IL13: variants seen among roughly 807,000 people sequenced by gnomAD.
IL13 encodes the protein interleukin-13.
A neutral mutation model predicts 11.1 loss-of-function variants in IL13; 9 were observed. The ratio of observed to expected loss-of-function variants is 0.81; its 90% CI spans 0.49 to 1.42. IL13 has a LOEUF of 1.42. Ranked by LOEUF, IL13 falls within the 40% of genes most tolerant of loss-of-function variation. The probability of loss-of-function intolerance (pLI) is 0.00; values close to 1 mark genes in which losing one functional copy is unlikely to be tolerated. For missense variants in IL13, 181 were observed against 182.5 expected (o/e 0.99, Z 0.05); for synonymous variants, 75 against 76.9 (o/e 0.97, Z 0.13).
chr5:132,656,577 G>A (rs1209556239), upstream of IL13: 1 of 152,342 alleles, frequency 6.6e-6, no homozygotes, highest in Admixed American at 6.5e-5. Context: ...TGGCCATGGG[G>A]GATAAGGGGC....
Position 132,659,296 on chromosome 5 carries a change from C to A in IL13, c.175-122C>A. 1 of 731,102 alleles carries A rather than the reference C, an allele frequency of 1.4e-6. No homozygotes were observed. Among genetic ancestry groups the A allele is most frequent in the Non-Finnish European group, 2.5e-6 (1 of 404,144 alleles). The allele number at this position is 731,102 out of a possible 1,614,324, so 45.3% of individuals were successfully genotyped here. ...CAGGAATGCTGAGGGGCTGCCAGGC[C>A]TGCCTCTGTGCCACACCAGGGATGC... On this transcript the variant is annotated intron_variant, in intron 1 of 3. Coordinates refer to ENST00000304506, the MANE Select transcript of IL13 (RefSeq NM_002188.3). The surrounding 1 kb of genome is among the most constrained non-coding windows in gnomAD (Gnocchi z 4.1).
chr5:132,659,484 G>A lies in IL13; in HGVS notation c.228+13G>A, dbSNP rs1752106215. 1.2e-6 allele frequency: 2 copies of A among 1,607,624 alleles called. No individual in the cohort carries two copies. The highest frequency in any genetic ancestry group is 1.7e-5 in the Admixed American group (1 of 59,692). On this transcript the variant is annotated intron_variant, in intron 2 of 3. Transcript: ENST00000304506. The surrounding 1 kb of genome is among the most constrained non-coding windows in gnomAD (Gnocchi z 4.1). ...GACAGCTGGCATGGTAAGGACCTTT[G>A]GGTGCAGGGAGGATGGGGCAGAGGC...
At chr5:132,658,487 A>G (rs1752083164) in intron 1 of IL13, 127 bp downstream of exon 1, 2 of 595,818 alleles carry the variant, frequency 3.4e-6, no homozygotes, top group South Asian at 4.4e-5. Flanking sequence ...TCCATGGACC[A>G]AGGCCCGGCC....
upstream of IL13, chr5:132,658,130 AC>A: frequency 1.0e-6 from 1 of 955,770 alleles, no homozygotes; most frequent in Non-Finnish European, 1.6e-6. Flanking sequence ...GTCAGGCGTC[AC>A]CACTTGGGCC....
At position 132,660,977 on chromosome 5, in the gene IL13, T is replaced by C. The variant is rs847; in HGVS notation, c.*695T>C. ...CAACGAGTAATTTATTGTTTTTCCT[T>C]GTATTTAAATATTAAATATGTTAGC... On this transcript the variant is annotated 3_prime_UTR_variant, in exon 4 of 4. Coordinates refer to ENST00000304506, the MANE Select transcript of IL13 (RefSeq NM_002188.3). 0.78 allele frequency: 119,757 copies of C among 152,610 alleles called. 47,641 individuals carry two copies. Among genetic ancestry groups the C allele is most frequent in the African/African-American group, 0.87 (36,256 of 41,538 alleles). The allele number at this position is 152,610 out of a possible 1,614,324, so 9.5% of individuals were successfully genotyped here. A position where few individuals can be genotyped will look rare whatever the true frequency, so the allele number is the denominator to read the frequency against.
In IL13 at chr5:132,660,521, G is replaced by T. The variant is rs1752133343; in HGVS notation, c.*239G>T. The stretch of plus-strand genomic sequence containing the variant: ...CTCTGTCCAGGGCCCTGAGCTCGGT[G>T]GACCCAGGGATGACATGTCCCTACA... On this transcript the variant is annotated 3_prime_UTR_variant, in exon 4 of 4. Coordinates refer to ENST00000304506, the MANE Select transcript of IL13 (RefSeq NM_002188.3). 7 of 516,872 alleles carry T rather than the reference G, an allele frequency of 1.4e-5. No homozygotes were observed. Among genetic ancestry groups the T allele is most frequent in the Non-Finnish European group, 2.3e-5 (7 of 300,702 alleles). 32.0% of individuals were successfully genotyped at this position (516,872 alleles called of 1,614,324 possible).
In IL13 at chr5:132,659,357, C is replaced by A; in HGVS notation, c.175-61C>A. On this transcript the variant is annotated intron_variant, in intron 1 of 3. Transcript: ENST00000304506. This position sits in a 1 kb window ranked among gnomAD's most constrained non-coding sequence, Gnocchi z 4.1. ...TGTGCTGGGGCAGACCTGGCCTGGGCTGCCAGGGCAGGCCCACAACCCCTG... is the reference window on the plus strand; with the variant it reads ...TGTGCTGGGGCAGACCTGGCCTGGGATGCCAGGGCAGGCCCACAACCCCTG... The A allele has an allele frequency of 7.9e-7, 1 of 1,268,798 alleles. No homozygotes were observed. The highest frequency in any genetic ancestry group is 1.1e-6 in the Non-Finnish European group (1 of 883,948). The allele number at this position is 1,268,798 out of a possible 1,614,324, so 78.6% of individuals were successfully genotyped here.
In IL13 at chr5:132,659,209, C is replaced by G; in HGVS notation, c.175-209C>G. On this transcript the variant is annotated intron_variant, in intron 1 of 3. Coordinates refer to ENST00000304506, the MANE Select transcript of IL13 (RefSeq NM_002188.3). This position sits in a 1 kb window ranked among gnomAD's most constrained non-coding sequence, Gnocchi z 4.1. ...TGGTGTCAATTTTTTTCTCTCAGCT[C>G]CAAGACCCTAAACAGTGGGACCTCA... 1.8e-6 allele frequency: 1 copy of G among 567,114 alleles called. No individual in the cohort carries two copies. Among genetic ancestry groups the G allele is most frequent in the Non-Finnish European group, 3.2e-6 (1 of 310,682 alleles). 35.1% of individuals were successfully genotyped at this position (567,114 alleles called of 1,614,324 possible).
Position 132,660,472 on chromosome 5 carries a change from C to A in IL13, c.*190C>A. 2 of 1,012,464 alleles carry A rather than the reference C, an allele frequency of 2.0e-6. No individual in the cohort carries two copies. Among genetic ancestry groups the A allele is most frequent in the Non-Finnish European group, 2.7e-6 (2 of 731,900 alleles). The allele number at this position is 1,012,464 out of a possible 1,614,324, so 62.7% of individuals were successfully genotyped here. ...TAGCCGACCTCAGCCTTCCCCTTGC[C>A]CAGGGCTCAGCCTGGTGGGCCTCCT... On this transcript the variant is annotated 3_prime_UTR_variant, in exon 4 of 4. Transcript: ENST00000304506.
In IL13 at chr5:132,658,334, C is replaced by CT; in HGVS notation, c.149dup (p.Val51GlyfsTer134). The CT allele has an allele frequency of 6.2e-7, 1 of 1,610,904 alleles. No individual in the cohort carries two copies. Among genetic ancestry groups the CT allele is most frequent in the Non-Finnish European group, 8.5e-7 (1 of 1,177,434 alleles). On this transcript the variant is annotated frameshift_variant, in exon 1 of 4. Transcript: ENST00000304506. LOFTEE classifies it high-confidence loss of function. ...AGCCCTCAGGGAGCTCATTGAGGAG[C>CT]TGGTCAACATCACCCAGAACCAGAA...
chr5:132,657,737 A>T (rs1011944527), upstream of IL13, among the ~76,000 whole-genome samples: 2 of 152,226 alleles, frequency 1.3e-5, no homozygotes, highest in Middle Eastern at 3.4e-3. Context: ...AAAAAATAAA[A>T]CTCCCCAAAT....
Position 132,660,140 on chromosome 5 carries a change from C to A in IL13, c.334-35C>A, listed in dbSNP as rs114654496. 4 of 1,597,190 alleles carry A rather than the reference C, an allele frequency of 2.5e-6. No individual in the cohort carries two copies. The South Asian group carries it at 3.3e-5, about 13-fold the overall frequency. ...TTGTGCGAGTCGTCCCGGCCTCTGG[C>A]GTTCTACTCATGTGCTGACCTCTTT... On this transcript the variant is annotated intron_variant, in intron 3 of 3. Coordinates refer to ENST00000304506, the MANE Select transcript of IL13 (RefSeq NM_002188.3).
In IL13 at chr5:132,659,799, G is replaced by A. The variant is rs774429439; in HGVS notation, c.304G>A (p.Gly102Arg). ...CGAGAAGACCCAGAGGATGCTGAGC[G>A]GATTCTGCCCGCACAAGGTCTCAGC... ...AIEKTQRMLS[G>R]FCPHKVSAGQ... The change falls in exon 3 of 4, where the codon GGA becomes AGA. Residue 102 changes from glycine (G) to arginine (R), a missense_variant. Physicochemically the swap from Gly to Arg is moderately radical, Grantham distance 125 (BLOSUM62 -2). Transcript: ENST00000304506. This position sits in a 1 kb window ranked among gnomAD's most constrained non-coding sequence, Gnocchi z 4.1. 30 of 1,613,728 alleles carry A rather than the reference G, an allele frequency of 1.9e-5. No individual in the cohort carries two copies. Among genetic ancestry groups the A allele is most frequent in the Middle Eastern group, 1.6e-4 (1 of 6,084 alleles).
In IL13 at chr5:132,660,150, A is replaced by G. The variant is rs561356790; in HGVS notation, c.334-25A>G. 5.0e-6 allele frequency: 8 copies of G among 1,609,572 alleles called. No homozygotes were observed. The South Asian group carries it at 8.8e-5, about 18-fold the overall frequency. ...CGTCCCGGCCTCTGGCGTTCTACTC[A>G]TGTGCTGACCTCTTTGTCCTGCAGC... On this transcript the variant is annotated intron_variant, in intron 3 of 3. Transcript: ENST00000304506.
rs1470028547 is a variant in IL13 at position 132,661,042 on chromosome 5, G to A, written c.*760G>A. 2.0e-5 allele frequency: 3 copies of A among 152,490 alleles called. No homozygotes were observed. The highest frequency in any genetic ancestry group is 7.2e-5 in the African/African-American group (3 of 41,462). 9.4% of individuals were successfully genotyped at this position (152,490 alleles called of 1,614,324 possible). On this transcript the variant is annotated 3_prime_UTR_variant, in exon 4 of 4. Coordinates refer to ENST00000304506, the MANE Select transcript of IL13 (RefSeq NM_002188.3). ...TAGAAGGGTACCTTGAACACTGGGG[G>A]AGGGGACATTGAACAAGTTGTTTCA...
chr5:132,658,091 A>T, upstream of IL13: 1 of 660,564 alleles, frequency 1.5e-6, no homozygotes, highest in Admixed American at 2.6e-5. Flanking sequence ...TGGTTTCTAG[A>T]TAGTGCCTGA....
rs775363860 is a variant in IL13 at position 132,660,299 on chromosome 5, T to C, written c.*17T>C. ...TTCAACTGAAACTTCGAAAGCATCA[T>C]TATTTGCAGAGACAGGACCTGACTA... is the stretch of plus-strand genomic sequence containing the variant. On this transcript the variant is annotated 3_prime_UTR_variant, in exon 4 of 4. Coordinates refer to ENST00000304506, the MANE Select transcript of IL13 (RefSeq NM_002188.3). 6.8e-6 allele frequency: 11 copies of C among 1,612,748 alleles called. No homozygotes were observed. Among genetic ancestry groups the C allele is most frequent in the Non-Finnish European group, 9.3e-6 (11 of 1,179,724 alleles).
Position 132,659,860 on chromosome 5 carries a change from C to A in IL13, c.333+32C>A. The A allele has an allele frequency of 6.2e-7, 1 of 1,607,904 alleles. No homozygotes were observed. The highest frequency in any genetic ancestry group is 8.5e-7 in the Non-Finnish European group (1 of 1,177,738). ...CATCCCCCACCCTCTCACACCCACC[C>A]TGCACCCCCTCCTGCCAACCCTGGG... On this transcript the variant is annotated intron_variant, in intron 3 of 3. Transcript: ENST00000304506. The surrounding 1 kb of genome is among the most constrained non-coding windows in gnomAD (Gnocchi z 4.1).
Position 132,659,868 on chromosome 5 carries a change from C to T in IL13, c.333+40C>T. 6.2e-7 allele frequency: 1 copy of T among 1,605,178 alleles called. No homozygotes were observed. On this transcript the variant is annotated intron_variant, in intron 3 of 3. Transcript: ENST00000304506. This position sits in a 1 kb window ranked among gnomAD's most constrained non-coding sequence, Gnocchi z 4.1. ...ACCCTCTCACACCCACCCTGCACCCCCTCCTGCCAACCCTGGGCTCGCTGA... is the reference window on the plus strand; with the variant it reads ...ACCCTCTCACACCCACCCTGCACCCTCTCCTGCCAACCCTGGGCTCGCTGA...
Sources: gnomAD v4.1 joint callset for allele counts (sites outside exome capture counted in the v4.1 genomes callset) on GRCh38, gnomAD v4.1.1 for gene constraint, Gnocchi (gnomAD v3.1) non-coding constraint, MANE v1.5 for transcripts, NCBI Gene and HGNC (gene_info 2026-07-23, HGNC 2026-07-21) for gene names.